Variants in ROBO2 observed in about 807,000 individuals in gnomAD.
The protein encoded by ROBO2 is roundabout homolog 2.
Under a neutral mutation model 160.8 loss-of-function variants are expected in ROBO2, and 53 were observed. That is an observed-to-expected ratio of 0.33 (90% CI 0.26 to 0.41). ROBO2 has a LOEUF of 0.41. Ranked by LOEUF, ROBO2 falls within the 10% of genes least tolerant of loss-of-function variation. The pLI, the probability that ROBO2 is intolerant of heterozygous loss-of-function variation, is 1.00. For synonymous variants in ROBO2, 664 were observed against 611.7 expected (o/e 1.09, Z -1.26); for missense variants, 1,577 against 1,722.4 (o/e 0.92, Z 1.49).
chr3:77,540,898 T>C (rs951144278), intron 6 of ROBO2, among the ~76,000 whole-genome samples: 1 of 152,190 alleles, frequency 6.6e-6, no homozygotes, highest in Non-Finnish European at 1.5e-5. Flanking sequence ...TAATAAGCTC[T>C]CAATGAATGT....
chr3:76,951,277 A>G (rs1351263052), intron 2 of ROBO2, among the ~76,000 whole-genome samples: 1 of 152,174 alleles, frequency 6.6e-6, no homozygotes, highest in Non-Finnish European at 1.5e-5. Flanking sequence ...TGTCTTTCCA[A>G]CACATTTGTA....
chr3:77,631,272 G>A (rs1302009053), intron 23 of ROBO2: 1 of 152,056 alleles, frequency 6.6e-6, no homozygotes, highest in Non-Finnish European at 1.5e-5. Context: ...TATTGAAAGT[G>A]CATGAATCCG....
At chr3:77,428,640 G>A (rs2153539451) in intron 2 of ROBO2, among the ~76,000 whole-genome samples, 1 of 152,184 alleles carries the variant, frequency 6.6e-6, no homozygotes, top group East Asian at 1.9e-4. Context: ...ACAGGCGTGA[G>A]CCACCGCGCC....
chr3:76,648,331 G>A (rs1482638590), intron 2 of ROBO2, among the ~76,000 whole-genome samples: 1 of 152,042 alleles, frequency 6.6e-6, no homozygotes, highest in East Asian at 1.9e-4. Flanking sequence ...GAAGTAAGAT[G>A]TTAGAAAGTA....
chr3:77,036,215 C>T (rs771798409), upstream of ROBO2, among the ~76,000 whole-genome samples: 3 of 151,908 alleles, frequency 2.0e-5, no homozygotes, highest in Non-Finnish European at 4.4e-5. Context: ...GTATCAACCA[C>T]ATAAGCCTCT....
At chr3:77,416,575 G>T (rs575194150) in intron 2 of ROBO2, among the ~76,000 whole-genome samples, 1 of 152,096 alleles carries the variant, frequency 6.6e-6, no homozygotes, top group Non-Finnish European at 1.5e-5. Flanking sequence ...AAATCAGCCA[G>T]GTGCAGTGGC....
intron 2 of ROBO2, among the ~76,000 whole-genome samples, chr3:76,263,268 C>T (rs1370766943): frequency 6.6e-6 from 1 of 152,070 alleles, no homozygotes; most frequent in African/African-American, 2.4e-5. Flanking sequence ...TGCTCTGTCA[C>T]TCAGGCTGGA....
intron 2 of ROBO2, among the ~76,000 whole-genome samples, chr3:76,717,783 G>A (rs1168673895): frequency 6.6e-6 from 1 of 152,150 alleles, no homozygotes; most frequent in Non-Finnish European, 1.5e-5. Flanking sequence ...CTGATGTAAA[G>A]AGTTTTACTG....
intron 2 of ROBO2, among the ~76,000 whole-genome samples, chr3:76,061,759 A>T (rs1233585020): frequency 5.9e-5 from 9 of 152,130 alleles, no homozygotes; most frequent in Non-Finnish European, 1.5e-5. Context: ...TCTTATAATT[A>T]TGTAGCCTAG....
rs79793359 is a variant in ROBO2, at chr3:76,788,802, C to G, written c.110-309212C>G. Among the ~76,000 whole-genome samples, 736 of 151,494 alleles carry G rather than the reference C, an allele frequency of 4.9e-3. 9 individuals carry two copies. Among genetic ancestry groups the G allele is most frequent in the African/African-American group, 0.017 (696 of 41,422 alleles). The stretch of plus-strand genomic sequence containing the variant: ...CAGTAGTCGGGCCTTTGATATAGCA[C>G]GGTTCCATAAGTCTTTTTCCTCTAG... On this transcript the variant is annotated intron_variant, in intron 2 of 26. Coordinates refer to the ROBO2 transcript ENST00000487694.
chr3:76,084,110 C>T (rs1359761418), intron 2 of ROBO2, among the ~76,000 whole-genome samples: 3 of 152,008 alleles, frequency 2.0e-5, no homozygotes, highest in Admixed American at 6.6e-5. Flanking sequence ...TGTGCTCTTT[C>T]GTGAGGGAAT....
intron 2 of ROBO2, among the ~76,000 whole-genome samples, chr3:77,446,541 G>A (rs2080537202): frequency 6.6e-6 from 1 of 151,944 alleles, no homozygotes; most frequent in African/African-American, 2.4e-5. Context: ...TATCCCTTAA[G>A]GATATAAGCA....
intron 2 of ROBO2, among the ~76,000 whole-genome samples, chr3:77,130,816 C>G (rs543674463): frequency 1.4e-4 from 21 of 152,202 alleles, no homozygotes; most frequent in Non-Finnish European, 2.8e-4. Context: ...TCAAAGTAAT[C>G]GCCATGATTT....
chr3:77,096,634 G>A (rs887874059), intron 1 of ROBO2, among the ~76,000 whole-genome samples: 67 of 151,850 alleles, frequency 4.4e-4, no homozygotes, highest in Non-Finnish European at 8.7e-4. Context: ...ATTTTTAGTA[G>A]ATATGAGGTT....
intron 2 of ROBO2, among the ~76,000 whole-genome samples, chr3:77,171,767 A>G (rs937275729): frequency 6.6e-5 from 10 of 152,194 alleles, no homozygotes; most frequent in African/African-American, 2.4e-4. Context: ...TTTTCTATAA[A>G]GATTCTTCTG....
At chr3:75,931,552 A>G (rs1254424048) in intron 1 of ROBO2, among the ~76,000 whole-genome samples, 8 of 152,086 alleles carry the variant, frequency 5.3e-5, no homozygotes, top group Non-Finnish European at 1.2e-4. Flanking sequence ...GGGTTTTGCC[A>G]TGTTGATCAG....
At chr3:76,251,200 G>A (rs1467066734) in intron 2 of ROBO2, among the ~76,000 whole-genome samples, 1 of 151,908 alleles carries the variant, frequency 6.6e-6, no homozygotes, top group Non-Finnish European at 1.5e-5. Context: ...TTGTCATCAG[G>A]GTGCAAGAGT....
At chr3:77,242,691 A>G (rs2089208004) in intron 2 of ROBO2, among the ~76,000 whole-genome samples, 1 of 152,058 alleles carries the variant, frequency 6.6e-6, no homozygotes. Flanking sequence ...AGAAGGAAGA[A>G]CAGGAGATAG....
intron 2 of ROBO2, among the ~76,000 whole-genome samples, chr3:77,221,662 C>T (rs1402577033): frequency 1.3e-5 from 2 of 152,004 alleles, no homozygotes; most frequent in Non-Finnish European, 2.9e-5. Context: ...CGTCAAGTGC[C>T]CATCCATTCA....
Sources: gnomAD v4.1 joint callset for allele counts (sites outside exome capture counted in the v4.1 genomes callset) on GRCh38, gnomAD v4.1.1 for gene constraint, MANE v1.5 for transcripts, NCBI Gene and HGNC (gene_info 2026-07-23, HGNC 2026-07-21) for gene names.